Variants in SMG6 observed in about 807,000 individuals in gnomAD.
SMG6 encodes the protein telomerase-binding protein EST1A.
SMG6 carries 66 observed loss-of-function variants against 142.2 expected under a neutral mutation model. That is an observed-to-expected ratio of 0.46 (90% CI 0.38 to 0.57). The LOEUF (loss-of-function observed/expected upper bound fraction) is 0.57, where lower values mean the gene tolerates loss of function less well. SMG6 is among the 20% of genes least tolerant of loss of function. The pLI, the probability that SMG6 is intolerant of heterozygous loss-of-function variation, is 0.00. For synonymous variants in SMG6, 779 were observed against 702.4 expected, an observed-to-expected ratio of 1.11 and a Z score of -1.72; for missense variants, 1,793 against 1,832.0, an observed-to-expected ratio of 0.98 and a Z score of 0.39.
At chr17:2,245,907 T>G (rs1295215576) in intron 8 of SMG6, among the ~76,000 whole-genome samples, 1 of 152,232 alleles carries the variant, frequency 6.6e-6, no homozygotes, top group East Asian at 1.9e-4. Flanking sequence ...CTCAAAATCC[T>G]GGGCTCAAGC....
In SMG6 at chr17:2,085,747, T is replaced by C. The variant is rs1186838040; in HGVS notation, c.3512A>G (p.Glu1171Gly). The change falls in exon 14 of 19, where the codon GAG becomes GGG. Residue 1171 changes from glutamate to glycine, a missense_variant. Glu to Gly is a moderately conservative substitution (Grantham distance 98). Transcript: ENST00000263073. The surrounding 1 kb of genome is among the most constrained non-coding windows in gnomAD (Gnocchi z 4.1). ...TACCTCATCTTCCAGTCGTGTTCCC[T>C]CTTGGCTTCCCATTTCCTTTCCCAT... ...DTMGKEMGSQ[E>G]GTRLEDEEED... 4 of 1,614,054 alleles carry C rather than the reference T, an allele frequency of 2.5e-6. No homozygotes were observed. The South Asian group carries it at 4.4e-5, about 18-fold the overall frequency.
chr17:2,289,523 C>A (rs1358496956), intron 6 of SMG6, among the ~76,000 whole-genome samples: 1 of 152,092 alleles, frequency 6.6e-6, no homozygotes, highest in Non-Finnish European at 1.5e-5. Context: ...TGTCACTGCA[C>A]TCCAGCCTAG....
intron 13 of SMG6, among the ~76,000 whole-genome samples, chr17:2,120,331 C>T (rs868725327): frequency 1.3e-5 from 2 of 152,134 alleles, no homozygotes; most frequent in South Asian, 2.1e-4. Flanking sequence ...ATCCAGAATA[C>T]ATAAGGAACT....
intron 6 of SMG6, among the ~76,000 whole-genome samples, chr17:2,287,984 T>A (rs975634983): frequency 6.6e-6 from 1 of 152,204 alleles, no homozygotes; most frequent in Non-Finnish European, 1.5e-5. Context: ...CACTACAATA[T>A]GAATGTACGT....
chr17:2,297,575 C>CAT (rs1352900920), intron 3 of SMG6, among the ~76,000 whole-genome samples: 1 of 151,894 alleles, frequency 6.6e-6, no homozygotes, highest in Admixed American at 6.6e-5. Flanking sequence ...CACACACACA[C>CAT]ACACACACAC....
intron 3 of SMG6, 134 bp downstream of exon 3, chr17:2,297,729 G>C (rs2075174297): frequency 7.7e-6 from 7 of 911,488 alleles, no homozygotes; most frequent in South Asian, 1.6e-5. Context: ...TGTAGGGAAG[G>C]CTCAGAACCC....
At chr17:2,275,143 C>A (rs940184128) in intron 8 of SMG6, among the ~76,000 whole-genome samples, 2 of 152,108 alleles carry the variant, frequency 1.3e-5, no homozygotes, top group Admixed American at 1.3e-4. Context: ...GAATACGAGC[C>A]GGGCATGGTG....
chr17:2,093,026 C>G (rs1412430594), intron 13 of SMG6, among the ~76,000 whole-genome samples: 1 of 152,080 alleles, frequency 6.6e-6, no homozygotes, highest in Non-Finnish European at 1.5e-5. Flanking sequence ...GAAACCCCAT[C>G]TCTACTAAAA....
intron 8 of SMG6, among the ~76,000 whole-genome samples, chr17:2,252,295 G>A (rs1250257467): frequency 1.3e-5 from 2 of 151,924 alleles, no homozygotes; most frequent in African/African-American, 2.4e-5. Context: ...AGCTACTCAG[G>A]AGGCTGAGGC....
Position 2,283,720 on chromosome 17 carries a change from C to A in SMG6, c.2353G>T (p.Ala785Ser), listed in dbSNP as rs764665564. 1 of 1,613,760 alleles carries A rather than the reference C, an allele frequency of 6.2e-7. No homozygotes were observed. Among genetic ancestry groups the A allele is most frequent in the Non-Finnish European group, 8.5e-7 (1 of 1,179,782 alleles). ...LAVYTRRKLD[A>S]VYYYMRSLAA... The stretch of plus-strand genomic sequence containing the variant: ...AAACTGCGCATATAGTAATAGACAG[C>A]GTCAAGCTTCCTCCTCTGTGGAAAG... The change falls in exon 7 of 19, where the codon GCT (alanine) becomes TCT (serine). Residue 785 changes from alanine to serine, a missense_variant. Physicochemically the swap from Ala to Ser is moderately conservative, Grantham distance 99. Coordinates refer to ENST00000263073, the MANE Select transcript of SMG6 (RefSeq NM_017575.5).
At chr17:2,120,838 A>G (rs2069666064) in intron 13 of SMG6, among the ~76,000 whole-genome samples, 1 of 152,234 alleles carries the variant, frequency 6.6e-6, no homozygotes, top group African/African-American at 2.4e-5. Flanking sequence ...AGCAATGGGA[A>G]GTGTCATAAT....
chr17:2,070,770 T>G (rs1231518520), intron 15 of SMG6, among the ~76,000 whole-genome samples: 1 of 152,070 alleles, frequency 6.6e-6, no homozygotes, highest in Non-Finnish European at 1.5e-5. Flanking sequence ...TCTCACCTCA[T>G]GAGAGCAAGG....
chr17:2,151,106 A>G (rs1255281650), intron 13 of SMG6, among the ~76,000 whole-genome samples: 1 of 152,238 alleles, frequency 6.6e-6, no homozygotes, highest in South Asian at 2.1e-4. Flanking sequence ...TGAAATGGAC[A>G]TCAATTAAGG....
At chr17:2,220,385 C>A (rs980905189) in intron 10 of SMG6, among the ~76,000 whole-genome samples, 1 of 152,170 alleles carries the variant, frequency 6.6e-6, no homozygotes, top group African/African-American at 2.4e-5. Context: ...AATCCCAAGA[C>A]TTTGGGAGGC....
intron 8 of SMG6, among the ~76,000 whole-genome samples, chr17:2,249,044 GC>G (rs895239557): frequency 2.2e-4 from 33 of 151,092 alleles, no homozygotes; most frequent in Admixed American, 1.1e-3. Context: ...CCGCCACCAC[GC>G]CCCGTTAATT....
chr17:2,218,333 A>G (rs2073077627), intron 10 of SMG6, among the ~76,000 whole-genome samples: 1 of 152,114 alleles, frequency 6.6e-6, no homozygotes, highest in African/African-American at 2.4e-5. Context: ...GCAGATCACG[A>G]GGCCAGGAGA....
chr17:2,068,675 C>T lies in SMG6; in HGVS notation c.3835+103G>A, dbSNP rs2068013605. ...TCCCCTGCAAATCCCATCTTACACA[C>T]GCACAGCAGGGCTCTGCCTGCCTGG... is the stretch of plus-strand genomic sequence containing the variant. On this transcript the variant is annotated intron_variant, in intron 16 of 18. Transcript: ENST00000263073. This position sits in a 1 kb window ranked among gnomAD's most constrained non-coding sequence, Gnocchi z 6.7. 9 of 1,223,440 alleles carry T rather than the reference C, an allele frequency of 7.4e-6. No homozygotes were observed. The highest frequency in any genetic ancestry group is 9.1e-6 in the Non-Finnish European group (8 of 880,106). 75.8% of individuals were successfully genotyped at this position (1,223,440 alleles called of 1,614,324 possible).
Position 2,258,042 on chromosome 17 carries a change from C to T in SMG6, c.2662-13323G>A, listed in dbSNP as rs868826486. ...AAAAAAAAAAAAAAAAAAATATACA[C>T]ACACACACACACACACACACACACA... On this transcript the variant is annotated intron_variant, in intron 8 of 18. Coordinates refer to ENST00000263073, the MANE Select transcript of SMG6 (RefSeq NM_017575.5). 3.0e-3 allele frequency among the ~76,000 whole-genome samples: 161 copies of T among 52,880 alleles called. 4 individuals carry two copies. The East Asian group carries it at 0.046, about 15-fold the overall frequency. 34.7% of individuals were successfully genotyped at this position (52,880 alleles called of 152,430 possible).
chr17:2,277,161 ATTTATTTTTTATTTTTTTT>A (rs1216468671), intron 8 of SMG6, among the ~76,000 whole-genome samples: 11 of 65,154 alleles, frequency 1.7e-4, no homozygotes, highest in Middle Eastern at 9.1e-3. Context: ...TTATTTATTT[ATTTATTTTTTATTTTTTTT>A]TTTTTTGAGA....
Sources: gnomAD v4.1 joint callset for allele counts (sites outside exome capture counted in the v4.1 genomes callset) on GRCh38, gnomAD v4.1.1 for gene constraint, Gnocchi (gnomAD v3.1) non-coding constraint, MANE v1.5 for transcripts, NCBI Gene and HGNC (gene_info 2026-07-23, HGNC 2026-07-21) for gene names.